The following RAB3C variants were observed in gnomAD, a reference collection of about 807,000 sequenced individuals.
RAB3C encodes the protein ras-related protein Rab-3C.
Under a neutral mutation model 26.4 loss-of-function variants are expected in RAB3C, and 17 were observed. The observed-to-expected ratio is 0.64, with a 90% confidence interval of 0.44 to 0.97. The LOEUF (loss-of-function observed/expected upper bound fraction) is 0.97, where lower values mean the gene tolerates loss of function less well. Among genes scored for constraint, RAB3C ranks in the 50% least tolerant of loss-of-function variants. RAB3C has a pLI of 0.00. For synonymous variants in RAB3C, 91 were observed against 95.9 expected (o/e 0.95, Z 0.30); for missense variants, 242 against 281.9 (o/e 0.86, Z 1.01).
At chr5:58,681,681 A>C (rs1020850135) in intron 2 of RAB3C, among the ~76,000 whole-genome samples, 6 of 152,220 alleles carry the variant, frequency 3.9e-5, no homozygotes, top group Non-Finnish European at 8.8e-5. Context: ...TTGAGGATAC[A>C]TACAAGAAAA....
At chr5:58,830,664 G>C (rs914280920) in intron 4 of RAB3C, among the ~76,000 whole-genome samples, 1 of 152,170 alleles carries the variant, frequency 6.6e-6, no homozygotes, top group African/African-American at 2.4e-5. Context: ...GCCAACCCAG[G>C]TAAGGGAGAG....
intron 4 of RAB3C, among the ~76,000 whole-genome samples, chr5:58,847,960 G>A (rs1744039473): frequency 1.3e-5 from 2 of 152,102 alleles, no homozygotes; most frequent in South Asian, 4.2e-4. Flanking sequence ...AGGTTCAAGC[G>A]ATTCTCCTGG....
intron 3 of RAB3C, among the ~76,000 whole-genome samples, chr5:58,752,309 A>G (rs1741548436): frequency 6.6e-6 from 1 of 152,112 alleles, no homozygotes; most frequent in Admixed American, 6.5e-5. Context: ...AGACCAAGCT[A>G]TCAGCCCCTA....
intron 3 of RAB3C, among the ~76,000 whole-genome samples, chr5:58,766,119 CT>C (rs35659245): frequency 4.0e-3 from 559 of 138,346 alleles, no homozygotes; most frequent in African/African-American, 7.4e-3. Context: ...TCAGGTAATT[CT>C]TTTTTTTTTT....
intron 1 of RAB3C, among the ~76,000 whole-genome samples, chr5:58,596,645 A>G (rs1269956642): frequency 2.6e-5 from 2 of 77,142 alleles, no homozygotes; most frequent in Non-Finnish European, 4.7e-5. Flanking sequence ...ATAAATATAT[A>G]ATATATAATA....
chr5:58,819,146 G>A (rs1743283229), intron 3 of RAB3C, among the ~76,000 whole-genome samples: 1 of 152,200 alleles, frequency 6.6e-6, no homozygotes, highest in Non-Finnish European at 1.5e-5. Context: ...ACGAGATGTT[G>A]CAACTTAAAA....
chr5:58,758,655 C>T (rs1741727577), intron 3 of RAB3C, among the ~76,000 whole-genome samples: 1 of 152,146 alleles, frequency 6.6e-6, no homozygotes, highest in Admixed American at 6.6e-5. Context: ...AATAAATACA[C>T]TATCAGAAGA....
chr5:58,755,825 C>G (rs1561311004), intron 3 of RAB3C, among the ~76,000 whole-genome samples: 2 of 152,128 alleles, frequency 1.3e-5, no homozygotes, highest in South Asian at 4.1e-4. Context: ...TTATTCTACT[C>G]TCACCTTTGA....
At chr5:58,708,834 T>G (rs759631402) in intron 2 of RAB3C, among the ~76,000 whole-genome samples, 1 of 152,190 alleles carries the variant, frequency 6.6e-6, no homozygotes, top group African/African-American at 2.4e-5. Context: ...GAAGCAGTGA[T>G]TTTTGTTAAC....
chr5:58,734,732 C>T (rs1408354789), intron 3 of RAB3C, among the ~76,000 whole-genome samples: 1 of 152,160 alleles, frequency 6.6e-6, no homozygotes, highest in Non-Finnish European at 1.5e-5. Flanking sequence ...TTAATCTTAA[C>T]TTCTCATTTT....
At chr5:58,584,409 A>G (rs1278307265) in intron 1 of RAB3C, among the ~76,000 whole-genome samples, 2 of 152,260 alleles carry the variant, frequency 1.3e-5, no homozygotes, top group East Asian at 3.9e-4. Flanking sequence ...TGAAAATTTG[A>G]TTTGTTCCAG....
intron 3 of RAB3C, among the ~76,000 whole-genome samples, chr5:58,791,806 T>C (rs766534454): frequency 6.6e-6 from 1 of 152,240 alleles, no homozygotes; most frequent in Non-Finnish European, 1.5e-5. Context: ...TTTCCTCACA[T>C]GAGCATTCCA....
At chr5:58,737,848 C>T (rs1741184642) in intron 3 of RAB3C, among the ~76,000 whole-genome samples, 2 of 151,972 alleles carry the variant, frequency 1.3e-5, no homozygotes, top group African/African-American at 4.8e-5. Flanking sequence ...ATATGAGACT[C>T]TTCTTCCCAG....
At chr5:58,592,046 G>C (rs912959025) in intron 1 of RAB3C, among the ~76,000 whole-genome samples, 1 of 151,698 alleles carries the variant, frequency 6.6e-6, no homozygotes, top group African/African-American at 2.4e-5. Flanking sequence ...TTACAGGCAT[G>C]TGCAACCACA....
chr5:58,695,580 G>A (rs1413783305), intron 2 of RAB3C, among the ~76,000 whole-genome samples: 1 of 152,118 alleles, frequency 6.6e-6, no homozygotes, highest in African/African-American at 2.4e-5. Context: ...CCATTTGTTT[G>A]TGTCCTCTTT....
chr5:58,686,039 A>T (rs1748438422), intron 2 of RAB3C, among the ~76,000 whole-genome samples: 1 of 152,170 alleles, frequency 6.6e-6, no homozygotes, highest in Admixed American at 6.5e-5. Context: ...CTGTGGGTGA[A>T]ATGTGAATTA....
chr5:58,765,635 A>G (rs1471359609), intron 3 of RAB3C, among the ~76,000 whole-genome samples: 1 of 152,204 alleles, frequency 6.6e-6, no homozygotes, highest in Admixed American at 6.5e-5. Context: ...TATATCATGG[A>G]AATGTTTCCA....
At chr5:58,619,030 G>T (rs1478133897) in intron 2 of RAB3C, among the ~76,000 whole-genome samples, 4 of 152,062 alleles carry the variant, frequency 2.6e-5, no homozygotes, top group Admixed American at 6.6e-5. Context: ...TTAAAAATCT[G>T]TATAAACTGA....
At chr5:58,791,769 TGA>T (rs1289449554) in intron 3 of RAB3C, among the ~76,000 whole-genome samples, 1 of 152,220 alleles carries the variant, frequency 6.6e-6, no homozygotes, top group African/African-American at 2.4e-5. Flanking sequence ...TCTTTTAAAG[TGA>T]GAGCCTCCCA....
Sources: gnomAD v4.1 joint callset for allele counts (sites outside exome capture counted in the v4.1 genomes callset) on GRCh38, gnomAD v4.1.1 for gene constraint, MANE v1.5 for transcripts, NCBI Gene and HGNC (gene_info 2026-07-23, HGNC 2026-07-21) for gene names.